Variants in GPC3 observed in about 807,000 individuals in gnomAD.
GPC3 encodes glypican-3.
GPC3 carries 3 observed loss-of-function variants against 34.4 expected under a neutral mutation model. That is an observed-to-expected ratio of 0.09 (90% CI 0.04 to 0.23). The LOEUF is 0.23. Ranked by LOEUF, GPC3 falls within the 10% of genes least tolerant of loss-of-function variation. GPC3 has a pLI of 1.00. For missense variants in GPC3, 351 were observed against 445.6 expected, an observed-to-expected ratio of 0.79 and a Z score of 1.91; for synonymous variants, 177 against 174.0, an observed-to-expected ratio of 1.02 and a Z score of -0.13.
At chrX:133,597,120 T>C (rs1246920822) in intron 6 of GPC3, among the ~76,000 whole-genome samples, 2 of 112,187 alleles carry the variant, frequency 1.8e-5, no homozygotes, top group East Asian at 5.6e-4. Context: ...TATGCCTTGA[T>C]CACTAGAAAA....
chrX:133,795,380 G>A (rs774766237), intron 2 of GPC3, among the ~76,000 whole-genome samples: 19 of 111,931 alleles, frequency 1.7e-4, no homozygotes, highest in African/African-American at 4.5e-4. Context: ...GTCTGCTTAC[G>A]CTTTGCTAGG....
chrX:133,575,208 G>T, intron 7 of GPC3, among the ~76,000 whole-genome samples: 1 of 111,882 alleles, frequency 8.9e-6, no homozygotes, highest in Non-Finnish European at 1.9e-5. Context: ...GTTCCATAGG[G>T]CCTTGTAGAG....
intron 6 of GPC3, among the ~76,000 whole-genome samples, chrX:133,602,566 T>C (rs775391312): frequency 8.9e-6 from 1 of 111,868 alleles, no homozygotes; most frequent in Non-Finnish European, 1.9e-5. Context: ...CAAAATTGTC[T>C]TCTACAAAAC....
At chrX:133,699,389 A>G (rs1210464366) in intron 4 of GPC3, among the ~76,000 whole-genome samples, 3 of 112,250 alleles carry the variant, frequency 2.7e-5, no homozygotes, top group Admixed American at 1.9e-4. Context: ...GATGAAGAGA[A>G]TAAGAAACAA....
intron 2 of GPC3, among the ~76,000 whole-genome samples, chrX:133,932,892 CTG>C (rs2076304750): frequency 9.0e-6 from 1 of 111,474 alleles, no homozygotes; most frequent in Non-Finnish European, 1.9e-5. Flanking sequence ...ATTAATTTGC[CTG>C]ATTTCCTGTT....
At chrX:133,594,552 C>A (rs1200321199) in intron 7 of GPC3, among the ~76,000 whole-genome samples, 2 of 111,919 alleles carry the variant, frequency 1.8e-5, no homozygotes, top group Admixed American at 1.9e-4. Context: ...AGAAGGAAAT[C>A]TTGTCACATG....
chrX:133,842,242 C>T (rs1478595963), intron 2 of GPC3, among the ~76,000 whole-genome samples: 2 of 108,789 alleles, frequency 1.8e-5, no homozygotes, highest in Admixed American at 9.9e-5. Flanking sequence ...CGCTTGAACC[C>T]GGGAAGCAGA....
At chrX:133,704,678 G>A (rs2071199399) in intron 3 of GPC3, among the ~76,000 whole-genome samples, 1 of 110,312 alleles carries the variant, frequency 9.1e-6, no homozygotes. Context: ...CCACATGACG[G>A]TCTTACGACA....
chrX:133,641,878 T>C lies in GPC3; in HGVS notation c.1413+19852A>G, dbSNP rs2267501. ...AGAACGTCTAAAGGTTTTACATGTG[T>C]GTAAAGAAATGACTGAAAGTCTCTG... On this transcript the variant is annotated intron_variant, in intron 6 of 7. Transcript: ENST00000370818. 9.8e-5 allele frequency among the ~76,000 whole-genome samples: 11 copies of C among 112,682 alleles called. No individual in the cohort carries two copies. The East Asian group carries it at 3.0e-3, about 31-fold the overall frequency.
At chrX:133,591,855 T>C (rs1415006626) in intron 7 of GPC3, among the ~76,000 whole-genome samples, 1 of 111,927 alleles carries the variant, frequency 8.9e-6, no homozygotes, top group Admixed American at 9.5e-5. Context: ...TGGAGAAGTA[T>C]GAACAGCGGT....
intron 2 of GPC3, among the ~76,000 whole-genome samples, chrX:133,863,742 G>T (rs991473853): frequency 1.5e-4 from 14 of 95,640 alleles, no homozygotes; most frequent in African/African-American, 5.5e-4. Context: ...TGCAAGCTCC[G>T]CTTCCCGGGT....
At chrX:133,940,810 T>C (rs910338587) in intron 2 of GPC3, among the ~76,000 whole-genome samples, 3 of 112,525 alleles carry the variant, frequency 2.7e-5, no homozygotes, top group African/African-American at 9.7e-5. Context: ...AGAAAGAACA[T>C]ACTTTGTTTT....
intron 2 of GPC3, among the ~76,000 whole-genome samples, chrX:133,801,635 T>C (rs921938692): frequency 8.9e-6 from 1 of 112,419 alleles, no homozygotes; most frequent in Non-Finnish European, 1.9e-5. Context: ...ATGCAATCTA[T>C]GTCATCTCTT....
At position 133,555,839 on chromosome X, in the gene GPC3, TA is replaced by T. The variant is rs767111500; in HGVS notation, c.1574-19547del. Among the ~76,000 whole-genome samples the T allele has an allele frequency of 8.8e-3, 848 of 96,310 alleles. 10 individuals are homozygous for T. Among genetic ancestry groups the T allele is most frequent in the African/African-American group, 0.03 (781 of 26,379 alleles). The allele number at this position is 96,310 out of a possible 115,157, so 83.6% of individuals were successfully genotyped here. A position where few individuals can be genotyped will look rare whatever the true frequency, so the allele number is the denominator to read the frequency against. On this transcript the variant is annotated intron_variant, in intron 7 of 7. Coordinates refer to ENST00000370818, the MANE Select transcript of GPC3 (RefSeq NM_004484.4). ...CGAGACTCCATCTCAAAAAAAAAAA[TA>T]AAAAAAAAAAGCCACTGAAATGATG...
intron 2 of GPC3, among the ~76,000 whole-genome samples, chrX:133,888,294 G>A (rs1172743601): frequency 3.6e-5 from 4 of 111,700 alleles, no homozygotes; most frequent in Non-Finnish European, 7.5e-5. Flanking sequence ...TGGTGTATAT[G>A]TGCCACATTT....
intron 2 of GPC3, among the ~76,000 whole-genome samples, chrX:133,771,179 T>C (rs2071915604): frequency 8.9e-6 from 1 of 112,475 alleles, no homozygotes; most frequent in Non-Finnish European, 1.9e-5. Flanking sequence ...TGGAGTAATC[T>C]GATGTCTAAA....
chrX:133,725,430 A>G (rs1411306589), intron 3 of GPC3, among the ~76,000 whole-genome samples: 1 of 112,590 alleles, frequency 8.9e-6, no homozygotes, highest in Admixed American at 9.4e-5. Context: ...CCTGAACAAT[A>G]TCAGTGATTC....
At chrX:133,928,768 T>A (rs146210417) in intron 2 of GPC3, among the ~76,000 whole-genome samples, 1 of 111,929 alleles carries the variant, frequency 8.9e-6, no homozygotes, top group African/African-American at 3.3e-5. Context: ...CTTTGCCCAT[T>A]TTTAAATCAA....
intron 7 of GPC3, among the ~76,000 whole-genome samples, chrX:133,561,999 G>A (rs755710104): frequency 8.9e-6 from 1 of 112,093 alleles, no homozygotes; most frequent in African/African-American, 3.2e-5. Context: ...GATGACAAAA[G>A]CATGAACTGC....
Sources: allele counts gnomAD v4.1 joint callset (sites outside exome capture counted in the v4.1 genomes callset), GRCh38; gene constraint gnomAD v4.1.1; transcripts MANE v1.5; gene names NCBI Gene and HGNC (gene_info 2026-07-23, HGNC 2026-07-21).